SFI1: variants seen among roughly 807,000 people sequenced by gnomAD.
SFI1 encodes SFI1 centrin binding protein.
In SFI1, 195 loss-of-function variants were observed where a neutral mutation model predicts 207.5. That is an observed-to-expected ratio of 0.94 (90% CI 0.84 to 1.06). The LOEUF (loss-of-function observed/expected upper bound fraction) is 1.06. SFI1 is among the 50% of genes least tolerant of loss of function. The pLI is 0.00. For missense variants in SFI1, 1,634 were observed against 1,588.0 expected, an observed-to-expected ratio of 1.03 and a Z score of -0.49; for synonymous variants, 630 against 598.9, an observed-to-expected ratio of 1.05 and a Z score of -0.76.
At chr22:31,550,831 G>T (rs1414058476) in intron 6 of SFI1, among the ~76,000 whole-genome samples, 2 of 152,106 alleles carry the variant, frequency 1.3e-5, no homozygotes, top group African/African-American at 4.8e-5. Flanking sequence ...GAGTCTAAGG[G>T]AAAAAGACCT....
rs1345485192 is a variant in SFI1 at position 31,611,199 on chromosome 22, C to T, written c.2311C>T (p.Gln771Ter). 9 of 1,613,974 alleles carry T rather than the reference C, an allele frequency of 5.6e-6. No individual in the cohort carries two copies. Among genetic ancestry groups the T allele is most frequent in the Non-Finnish European group, 7.6e-6 (9 of 1,180,038 alleles). Residue 771 changes from glutamine to a stop codon, truncating the protein, a stop_gained, in exon 23 of 33, where the codon CAG becomes TAG. Transcript: ENST00000400288. LOFTEE classifies it high-confidence loss of function. Reference protein sequence around the residue: ...WWDCSRRSAQQRLQLERAVQH... With the variant: ...WWDCSRRSAQ ...GGACTGCAGCCGGAGGTCAGCCCAG[C>T]AGAGACTGCAGCTGGAGAGGGCAGT...
intron 2 of SFI1, among the ~76,000 whole-genome samples, chr22:31,524,625 G>A (rs1023281519): frequency 6.6e-6 from 1 of 151,652 alleles, no homozygotes; most frequent in Non-Finnish European, 1.5e-5. Context: ...GTGTTGCCCA[G>A]GCTGGTGTTA....
intron 1 of SFI1, among the ~76,000 whole-genome samples, chr22:31,500,015 C>T (rs1601753568): frequency 6.8e-6 from 1 of 147,150 alleles, no homozygotes; most frequent in South Asian, 2.1e-4. Context: ...ATTGAAAATG[C>T]CACAGTTGCC....
chr22:31,613,391 G>A lies in SFI1; in HGVS notation c.2603G>A (p.Arg868Lys), dbSNP rs752178497. ...TGGCTGGCCTTTGTACTGGAAAGGA[G>A]GAGAAAGAAGGCGCGGCTGCAGTGG... ...ATWLAFVLER[R>K]RKKARLQWAL... is the part of the protein sequence containing the mutation. The change falls in exon 26 of 33, where the codon AGG (arginine) becomes AAG (lysine). Residue 868 changes from arginine to lysine, a missense_variant. Arg to Lys is a conservative substitution (Grantham distance 26). Transcript: ENST00000400288. The A allele has an allele frequency of 1.2e-6, 2 of 1,611,836 alleles. No individual in the cohort carries two copies. The highest frequency in any genetic ancestry group is 2.2e-5 in the South Asian group (2 of 91,040).
chr22:31,579,972 T>C, intron 11 of SFI1: 1 of 242,084 alleles, frequency 4.1e-6, no homozygotes, highest in Non-Finnish European at 7.9e-6. Context: ...TCTGTAGAAT[T>C]GTCATGTGGG....
At chr22:31,533,578 CAA>C (rs11334412) in intron 4 of SFI1, among the ~76,000 whole-genome samples, 15 of 148,952 alleles carry the variant, frequency 1.0e-4, no homozygotes, top group Middle Eastern at 3.4e-3. Flanking sequence ...GAAAAAGAAA[CAA>C]AAAAAAAAAG....
At chr22:31,615,372 A>G in intron 29 of SFI1, 93 bp downstream of exon 29, 3 of 1,231,826 alleles carry the variant, frequency 2.4e-6, no homozygotes, top group Non-Finnish European at 3.2e-6. Context: ...TAGTTTCTGG[A>G]AAACCTTGGC....
At chr22:31,534,149 C>T (rs374246783) in intron 4 of SFI1, among the ~76,000 whole-genome samples, 4 of 152,042 alleles carry the variant, frequency 2.6e-5, no homozygotes, top group Admixed American at 6.6e-5. Flanking sequence ...GACAGAGTCT[C>T]GCTCTGTCGC....
chr22:31,589,355 G>T, intron 14 of SFI1, 92 bp from the exon 15 acceptor site: 2 of 1,127,536 alleles, frequency 1.8e-6, no homozygotes, highest in Non-Finnish European at 2.4e-6. Flanking sequence ...TTATTATATA[G>T]GAAGCAATCC....
chr22:31,617,887 G>A (rs1448457156), intron 31 of SFI1, among the ~76,000 whole-genome samples: 4 of 152,196 alleles, frequency 2.6e-5, no homozygotes, highest in South Asian at 4.2e-4. Flanking sequence ...TCTTGCCCAG[G>A]CCCACCTGAG....
Position 31,580,324 on chromosome 22 carries a change from A to G in SFI1, c.1208A>G (p.Gln403Arg). Residue 403 changes from glutamine to arginine, a missense_variant, in exon 12 of 33, where the codon CAA becomes CGA. Physicochemically the swap from Gln to Arg is conservative, Grantham distance 43. Transcript: ENST00000400288. Reference protein sequence around the residue: ...KDNVTHAHLQQIRRNLAHQQH... With the variant: ...KDNVTHAHLQRIRRNLAHQQH... ...AATGTGACCCACGCTCATCTCCAGC[A>G]AATAAGAAGGAATCTTGCTCACCAG... 6.2e-7 allele frequency: 1 copy of G among 1,614,058 alleles called. No individual in the cohort carries two copies. Among genetic ancestry groups the G allele is most frequent in the Non-Finnish European group, 8.5e-7 (1 of 1,179,946 alleles).
rs370763391 is a variant in SFI1, at chr22:31,578,440, G to A, written c.1143G>A (p.Arg381=). ...TTGAGATGGCAGAAGAGCACCACAG[G>A]CACAGCCAGCTGGTAAGAGCCCTGC... ...AQFEMAEEHH[R]HSQLYFCFRA... is the part of the protein sequence containing the mutation. Residue 381 remains arginine, a synonymous_variant, in exon 11 of 33, where the codon AGG becomes AGA. Coordinates refer to ENST00000400288, the MANE Select transcript of SFI1 (RefSeq NM_001007467.3). The A allele has an allele frequency of 4.3e-6, 7 of 1,613,384 alleles. No individual in the cohort carries two copies.
intron 1 of SFI1, among the ~76,000 whole-genome samples, chr22:31,497,675 TA>T (rs2052939470): frequency 9.9e-5 from 15 of 151,996 alleles, no homozygotes; most frequent in Middle Eastern, 3.4e-3. Context: ...ATGACGAAGC[TA>T]GAAATGACGA....
At chr22:31,592,706 T>C (rs1281801949) in intron 15 of SFI1, among the ~76,000 whole-genome samples, 8 of 53,750 alleles carry the variant, frequency 1.5e-4, no homozygotes, top group South Asian at 9.0e-4. Flanking sequence ...CCCTCCCGGA[T>C]GGGGCGGCTG....
chr22:31,615,208 A>G lies in SFI1; in HGVS notation c.3229A>G (p.Ser1077Gly). ...TGGCCCGAAGCAGCCCCCGACGGCA[A>G]GCACAGGCCCGGAGCTGCTGCTGCT... is the stretch of plus-strand genomic sequence containing the variant. ...APGPKQPPTASTGPELLLLPL... is the reference protein window; with the variant it reads ...APGPKQPPTAGTGPELLLLPL... Residue 1077 changes from serine (S) to glycine (G), a missense_variant, in exon 29 of 33, where the codon AGC (serine) becomes GGC (glycine). Ser to Gly is a moderately conservative substitution (Grantham distance 56). Transcript: ENST00000400288. 1 of 1,576,672 alleles carries G rather than the reference A, an allele frequency of 6.3e-7. No homozygotes were observed. The highest frequency in any genetic ancestry group is 2.2e-5 in the East Asian group (1 of 44,556).
At chr22:31,555,011 T>A (rs956881860) in intron 6 of SFI1, among the ~76,000 whole-genome samples, 1 of 152,324 alleles carries the variant, frequency 6.6e-6, no homozygotes, top group Admixed American at 6.5e-5. Flanking sequence ...TATTCTATTA[T>A]TGTCAGAGAA....
chr22:31,613,419 G>C lies in SFI1; in HGVS notation c.2631G>C (p.Ala877=). 6.2e-7 allele frequency: 1 copy of C among 1,610,300 alleles called. No homozygotes were observed. The highest frequency in any genetic ancestry group is 8.5e-7 in the Non-Finnish European group (1 of 1,179,754). ...RRRKKARLQW[A]LQAYQGQLLQ... ...GAAAGAAGGCGCGGCTGCAGTGGGC[G>C]CTCCAGGCCTACCAGGGGCAGCTCC... The change falls in exon 26 of 33, where the codon GCG becomes GCC. Residue 877 remains alanine, a synonymous_variant. Coordinates refer to ENST00000400288, the MANE Select transcript of SFI1 (RefSeq NM_001007467.3).
chr22:31,612,398 A>AAAAAAATATATATAT (rs1556369798), intron 24 of SFI1: 3 of 60,200 alleles, frequency 5.0e-5, no homozygotes, highest in African/African-American at 2.0e-4. Context: ...AAAAAAAAAA[A>AAAAAAATATATATAT]ATATATATAT....
At chr22:31,545,801 G>A (rs778513236) in intron 4 of SFI1, among the ~76,000 whole-genome samples, 3 of 148,454 alleles carry the variant, frequency 2.0e-5, no homozygotes, top group African/African-American at 7.4e-5. Context: ...GGCTGGTCTC[G>A]AACTCCTGAC....
Sources: gnomAD v4.1 joint callset for allele counts (sites outside exome capture counted in the v4.1 genomes callset) on GRCh38, gnomAD v4.1.1 for gene constraint, MANE v1.5 for transcripts, NCBI Gene and HGNC (gene_info 2026-07-23, HGNC 2026-07-21) for gene names.